Variants in ACER3 observed in about 807,000 individuals in gnomAD.
ACER3 encodes the protein alkCDase 3.
A neutral mutation model predicts 48.9 loss-of-function variants in ACER3; 16 were observed. The ratio of observed to expected loss-of-function variants is 0.33; its 90% confidence interval spans 0.22 to 0.50. The LOEUF (loss-of-function observed/expected upper bound fraction) is 0.50, where lower values mean the gene tolerates loss of function less well. Among genes scored for constraint, ACER3 ranks in the 20% least tolerant of loss-of-function variants. The probability of loss-of-function intolerance (pLI) is 0.98; values close to 1 mark genes in which losing one functional copy is unlikely to be tolerated. For missense variants in ACER3, 227 were observed against 326.0 expected, an observed-to-expected ratio of 0.70 and a Z score of 2.34; for synonymous variants, 109 against 107.8, an observed-to-expected ratio of 1.01 and a Z score of -0.07.
chr11:76,940,976 T>G (rs1298038054), intron 2 of ACER3, among the ~76,000 whole-genome samples: 2 of 151,028 alleles, frequency 1.3e-5, no homozygotes, highest in African/African-American at 4.9e-5. Context: ...AATTTTACAC[T>G]GAGTTAAGTC....
intron 1 of ACER3, among the ~76,000 whole-genome samples, chr11:76,903,027 T>A (rs1295125878): frequency 6.6e-6 from 1 of 152,210 alleles, no homozygotes; most frequent in African/African-American, 2.4e-5. Flanking sequence ...ATGTATATGT[T>A]AGTAAATGAT....
At chr11:76,998,633 T>C in intron 6 of ACER3, 130 bp from the exon 7 acceptor site, 1 of 629,076 alleles carries the variant, frequency 1.6e-6, no homozygotes, top group East Asian at 3.4e-5. Context: ...TTTAACATTC[T>C]ATTCTTTAAA....
intron 1 of ACER3, among the ~76,000 whole-genome samples, chr11:76,879,058 A>G (rs993106074): frequency 6.6e-6 from 1 of 152,106 alleles, no homozygotes; most frequent in Non-Finnish European, 1.5e-5. Context: ...CATATCCAGA[A>G]TATAAGTCCA....
At chr11:76,878,593 G>A (rs1945445867) in intron 1 of ACER3, among the ~76,000 whole-genome samples, 1 of 152,004 alleles carries the variant, frequency 6.6e-6, no homozygotes, top group Admixed American at 6.5e-5. Context: ...ACAGATACCT[G>A]GGCTGTTCCC....
chr11:76,919,753 G>A (rs1170875523), intron 1 of ACER3, among the ~76,000 whole-genome samples: 1 of 151,950 alleles, frequency 6.6e-6, no homozygotes. Context: ...TTAGTTTTCA[G>A]TTATAAAGAC....
intron 1 of ACER3, among the ~76,000 whole-genome samples, chr11:76,887,687 A>G (rs1364464010): frequency 2.6e-5 from 4 of 152,186 alleles, no homozygotes; most frequent in African/African-American, 9.6e-5. Flanking sequence ...AGAAGGGTAC[A>G]TATGAGTTTT....
intron 8 of ACER3, 158 bp downstream of exon 8, chr11:77,015,275 A>G: frequency 1.9e-6 from 1 of 529,962 alleles, no homozygotes; most frequent in South Asian, 2.6e-5. Context: ...GACTATTAGA[A>G]TACCTGTTTA....
At chr11:76,953,518 A>G (rs1947747824) in intron 2 of ACER3, among the ~76,000 whole-genome samples, 1 of 152,084 alleles carries the variant, frequency 6.6e-6, no homozygotes, top group South Asian at 2.1e-4. Flanking sequence ...GAATCACTTG[A>G]ACCTGGGAGG....
intron 2 of ACER3, among the ~76,000 whole-genome samples, chr11:76,934,436 G>C (rs974825948): frequency 1.3e-5 from 2 of 152,234 alleles, no homozygotes; most frequent in African/African-American, 4.8e-5. Context: ...CTGCAATCCC[G>C]GCACCTCGGG....
chr11:76,930,881 C>A (rs1374096913), intron 2 of ACER3, among the ~76,000 whole-genome samples: 2 of 151,920 alleles, frequency 1.3e-5, no homozygotes, highest in African/African-American at 2.4e-5. Context: ...AGCTTTACTT[C>A]CAACTATGTG....
chr11:76,945,766 G>A (rs962995934), intron 2 of ACER3, among the ~76,000 whole-genome samples: 1 of 152,178 alleles, frequency 6.6e-6, no homozygotes, highest in Non-Finnish European at 1.5e-5. Context: ...CTGGGCAGCT[G>A]GTGTGATATG....
intron 7 of ACER3, among the ~76,000 whole-genome samples, chr11:77,008,332 C>T (rs1218447371): frequency 6.6e-6 from 1 of 152,188 alleles, no homozygotes; most frequent in Non-Finnish European, 1.5e-5. Context: ...GCATAAAATA[C>T]AGTCCTTGAC....
At chr11:76,939,084 A>T (rs1947271390) in intron 2 of ACER3, among the ~76,000 whole-genome samples, 2 of 152,154 alleles carry the variant, frequency 1.3e-5, no homozygotes, top group African/African-American at 4.8e-5. Flanking sequence ...CATGTGGTAT[A>T]AAAAAAATCC....
chr11:76,949,674 T>C (rs926578418), intron 2 of ACER3, among the ~76,000 whole-genome samples: 1 of 152,208 alleles, frequency 6.6e-6, no homozygotes, highest in Non-Finnish European at 1.5e-5. Context: ...TATTTTCCTA[T>C]TTGTGGTGAT....
chr11:76,945,304 G>A (rs1947444251), intron 2 of ACER3, among the ~76,000 whole-genome samples: 1 of 151,994 alleles, frequency 6.6e-6, no homozygotes, highest in Admixed American at 6.5e-5. Flanking sequence ...TCCTTCCGTT[G>A]ATATCTAAAC....
At chr11:76,895,692 A>C (rs1397930396) in intron 1 of ACER3, among the ~76,000 whole-genome samples, 1 of 152,224 alleles carries the variant, frequency 6.6e-6, no homozygotes, top group Non-Finnish European at 1.5e-5. Context: ...AAGGGCAGAG[A>C]AAAGAAAACA....
At chr11:76,946,500 T>C (rs1590971715) in intron 2 of ACER3, among the ~76,000 whole-genome samples, 1 of 151,558 alleles carries the variant, frequency 6.6e-6, no homozygotes, top group Non-Finnish European at 1.5e-5. Context: ...AGCCTGAGGG[T>C]GGAGCACAGC....
At chr11:77,015,277 A>G (rs72639143) in intron 8 of ACER3, 160 bp downstream of exon 8, 63,397 of 518,772 alleles carry the variant, frequency 0.12, 5,104 homozygotes, top group East Asian at 0.36. Context: ...CTATTAGAAT[A>G]CCTGTTTAAA....
chr11:76,895,164 T>C (rs987707760), intron 1 of ACER3, among the ~76,000 whole-genome samples: 11 of 152,186 alleles, frequency 7.2e-5, no homozygotes, highest in African/African-American at 2.7e-4. Context: ...ATACTTCCTT[T>C]CTACTATTAA....
Sources: gnomAD v4.1 joint callset for allele counts (sites outside exome capture counted in the v4.1 genomes callset) on GRCh38, gnomAD v4.1.1 for gene constraint, MANE v1.5 for transcripts, NCBI Gene and HGNC (gene_info 2026-07-23, HGNC 2026-07-21) for gene names.